The following ENPP6 variants were observed in gnomAD, a reference collection of about 807,000 sequenced individuals.
The protein encoded by ENPP6 is glycerophosphocholine cholinephosphodiesterase ENPP6.
In ENPP6, 32 loss-of-function variants were observed where a neutral mutation model predicts 42.0. The observed-to-expected ratio is 0.76, with a 90% CI of 0.58 to 1.02. ENPP6 has a LOEUF of 1.02. ENPP6 is among the 50% of genes least tolerant of loss of function. The pLI, the probability that ENPP6 is intolerant of heterozygous loss-of-function variation, is 0.00. For missense variants in ENPP6, 552 were observed against 566.8 expected (o/e 0.97, Z 0.27); for synonymous variants, 213 against 216.0 (o/e 0.99, Z 0.12).
intron 1 of ENPP6, among the ~76,000 whole-genome samples, chr4:184,170,016 C>G (rs1204068203): frequency 2.0e-5 from 3 of 152,306 alleles, no homozygotes; most frequent in South Asian, 2.1e-4. Flanking sequence ...TTTAAAAAAA[C>G]ATACTCTTGT....
chr4:184,191,308 T>C (rs1037336330), intron 1 of ENPP6, among the ~76,000 whole-genome samples: 1 of 152,244 alleles, frequency 6.6e-6, no homozygotes, highest in Admixed American at 6.5e-5. Flanking sequence ...GTGACTACTT[T>C]ATAGGGTTTT....
intron 2 of ENPP6, among the ~76,000 whole-genome samples, chr4:184,125,701 A>T (rs1736492040): frequency 1.3e-5 from 2 of 152,122 alleles, no homozygotes; most frequent in South Asian, 4.1e-4. Flanking sequence ...CAGGGAGAGC[A>T]AGGGCTCCTA....
chr4:184,197,013 G>A (rs763068769), intron 1 of ENPP6, among the ~76,000 whole-genome samples: 1 of 152,196 alleles, frequency 6.6e-6, no homozygotes, highest in Non-Finnish European at 1.5e-5. Context: ...GTTTTTATTA[G>A]ATTCTTTTAG....
At chr4:184,149,771 G>A (rs993585675) in intron 2 of ENPP6, among the ~76,000 whole-genome samples, 18 of 152,108 alleles carry the variant, frequency 1.2e-4, no homozygotes, top group East Asian at 9.7e-4. Flanking sequence ...TACAATAGTC[G>A]TAAAAATAAA....
At chr4:184,099,022 C>T (rs1002111173) in intron 6 of ENPP6, among the ~76,000 whole-genome samples, 1 of 152,250 alleles carries the variant, frequency 6.6e-6, no homozygotes, top group Non-Finnish European at 1.5e-5. Flanking sequence ...CCAACGTCCA[C>T]TGAACCATCA....
At chr4:184,118,934 C>T (rs1353053303) in intron 3 of ENPP6, among the ~76,000 whole-genome samples, 1 of 152,218 alleles carries the variant, frequency 6.6e-6, no homozygotes, top group Non-Finnish European at 1.5e-5. Flanking sequence ...TCTCCCATCA[C>T]CTTATGATTC....
intron 6 of ENPP6, among the ~76,000 whole-genome samples, chr4:184,097,574 G>A (rs151050346): frequency 4.1e-4 from 63 of 152,296 alleles, no homozygotes; most frequent in Non-Finnish European, 8.7e-4. Flanking sequence ...AAGCGCTGTG[G>A]TTAACAAGGT....
chr4:184,138,793 T>A (rs770687161), intron 2 of ENPP6, among the ~76,000 whole-genome samples: 2 of 152,194 alleles, frequency 1.3e-5, no homozygotes, highest in Non-Finnish European at 2.9e-5. Context: ...CCCGAAGTGA[T>A]GTTGACAGTT....
intron 3 of ENPP6, among the ~76,000 whole-genome samples, chr4:184,118,678 G>A (rs1227019166): frequency 6.6e-6 from 1 of 152,228 alleles, no homozygotes; most frequent in Non-Finnish European, 1.5e-5. Flanking sequence ...TTGCCTGTCT[G>A]GAGTTTAGCT....
At chr4:184,157,809 A>G (rs1737198452) in intron 1 of ENPP6, among the ~76,000 whole-genome samples, 1 of 139,202 alleles carries the variant, frequency 7.2e-6, no homozygotes, top group Non-Finnish European at 1.5e-5. Flanking sequence ...TTGTAGAGAC[A>G]GGGTTTTGCC....
intron 3 of ENPP6, among the ~76,000 whole-genome samples, chr4:184,119,312 GGTGTGTGT>G (rs6148837): frequency 0.016 from 2,292 of 144,052 alleles, 32 homozygotes; most frequent in African/African-American, 0.027. Context: ...TCTGTTTCTT[GGTGTGTGT>G]GTGTGTGTGT....
intron 1 of ENPP6, among the ~76,000 whole-genome samples, chr4:184,166,967 G>A (rs966534556): frequency 2.6e-5 from 4 of 152,174 alleles, no homozygotes; most frequent in Admixed American, 1.3e-4. Flanking sequence ...GTCTCTTTCC[G>A]TGTCTTGACC....
chr4:184,161,174 C>T (rs1259975714), intron 1 of ENPP6, among the ~76,000 whole-genome samples: 1 of 151,748 alleles, frequency 6.6e-6, no homozygotes, highest in East Asian at 1.9e-4. Context: ...CCAGAATCTA[C>T]AAGGAACTCA....
At chr4:184,120,514 C>T (rs1179137099) in intron 3 of ENPP6, among the ~76,000 whole-genome samples, 1 of 152,170 alleles carries the variant, frequency 6.6e-6, no homozygotes, top group Non-Finnish European at 1.5e-5. Context: ...CCCACTGTGA[C>T]CCCCTGCTCT....
intron 2 of ENPP6, among the ~76,000 whole-genome samples, chr4:184,147,585 G>C (rs949184319): frequency 2.0e-5 from 3 of 152,086 alleles, no homozygotes; most frequent in African/African-American, 7.2e-5. Flanking sequence ...TTCGAGACCA[G>C]ACTGGGCAAC....
rs192532155 is a variant in ENPP6 at position 184,131,040 on chromosome 4, A to G, written c.422-6768T>C. Among the ~76,000 whole-genome samples the G allele has an allele frequency of 1.7e-3, 265 of 152,316 alleles. 2 individuals carry two copies. Among genetic ancestry groups the G allele is most frequent in the African/African-American group, 6.0e-3 (251 of 41,580 alleles). On this transcript the variant is annotated intron_variant, in intron 2 of 7. Coordinates refer to ENST00000296741, the MANE Select transcript of ENPP6 (RefSeq NM_153343.4). The stretch of plus-strand genomic sequence containing the variant: ...CATTTCTGTTAGGATACACGCATTA[A>G]GAGAAGAGCTCGATTTGGGGAACGT...
At chr4:184,189,395 C>A (rs1438100918) in intron 1 of ENPP6, among the ~76,000 whole-genome samples, 1 of 152,236 alleles carries the variant, frequency 6.6e-6, no homozygotes, top group African/African-American at 2.4e-5. Context: ...AATCAGGCCA[C>A]TTTCCCTCTT....
chr4:184,178,995 A>T (rs941372916), intron 1 of ENPP6, among the ~76,000 whole-genome samples: 1 of 152,244 alleles, frequency 6.6e-6, no homozygotes, highest in Admixed American at 6.5e-5. Context: ...AGCTAGCATC[A>T]TGATAACAGG....
At position 184,113,899 on chromosome 4, in the gene ENPP6, T is replaced by TTTTCTTTCTTTCTTTCTTTTCTTTC. The variant is rs1736257534; in HGVS notation, c.856-1091_856-1090insGAAAGAAAAGAAAGAAAGAAAGAAA. On this transcript the variant is annotated intron_variant, in intron 5 of 7. Coordinates refer to ENST00000296741, the MANE Select transcript of ENPP6 (RefSeq NM_153343.4). ...TCTTTCTTTTTCCTTCCTTTCTTTC[T>TTTTCTTTCTTTCTTTCTTTTCTTTC]TTTCTTTCTTTCTTTCTTTCTTTCT... Among the ~76,000 whole-genome samples, 48 of 103,712 alleles carry TTTTCTTTCTTTCTTTCTTTTCTTTC rather than the reference T, an allele frequency of 4.6e-4. 1 individual carries two copies. The highest frequency in any genetic ancestry group is 1.3e-3 in the African/African-American group (35 of 26,310). The allele number at this position is 103,712 out of a possible 152,430, so 68.0% of individuals were successfully genotyped here. A position where few individuals can be genotyped will look rare whatever the true frequency, so the allele number is the denominator to read the frequency against.
Sources: gnomAD v4.1 joint callset for allele counts (sites outside exome capture counted in the v4.1 genomes callset) on GRCh38, gnomAD v4.1.1 for gene constraint, MANE v1.5 for transcripts, NCBI Gene and HGNC (gene_info 2026-07-23, HGNC 2026-07-21) for gene names.